Variants in PATL1 observed in about 807,000 individuals in gnomAD.
The protein encoded by PATL1 is protein PAT1 homolog 1.
A neutral mutation model predicts 100.6 loss-of-function variants in PATL1; 32 were observed. The ratio of observed to expected loss-of-function variants is 0.32; its 90% CI spans 0.24 to 0.43. The LOEUF is 0.43. PATL1 is among the 20% of genes least tolerant of loss of function. The pLI is 1.00. For missense variants in PATL1, 747 were observed against 949.9 expected (o/e 0.79, Z 2.81); for synonymous variants, 332 against 330.0 (o/e 1.01, Z -0.07).
chr11:59,647,244 A>C (rs920217785), intron 15 of PATL1, among the ~76,000 whole-genome samples: 12 of 150,640 alleles, frequency 8.0e-5, no homozygotes, highest in African/African-American at 2.2e-4. Context: ...AAAAAAAAAA[A>C]CCAAAAGGGG....
In PATL1 at chr11:59,659,352, T is replaced by C; in HGVS notation, c.245A>G (p.His82Arg). 2.6e-6 allele frequency: 4 copies of C among 1,551,452 alleles called. No individual in the cohort carries two copies. The South Asian group carries it at 3.6e-5, about 14-fold the overall frequency. The change falls in exon 3 of 19, where the codon CAT (histidine) becomes CGT (arginine). Residue 82 changes from histidine to arginine, a missense_variant. His to Arg is a conservative substitution (Grantham distance 29, BLOSUM62 0). Transcript: ENST00000300146. The part of the protein sequence containing the change: ...ERDEMDLLGD[H>R]EENLAERLSK... ...GAGCCTTTCTGCCAGATTCTCCTCA[T>C]GGTCACCCAACAAGTCCATTTCATC...
chr11:59,649,687 GGACTACTAGCTAAA>G, intron 13 of PATL1, 77 bp from the exon 14 acceptor site: 1 of 1,404,838 alleles, frequency 7.1e-7, no homozygotes, highest in Non-Finnish European at 9.5e-7. Context: ...TCACAGTTTA[GGACTACTAGCTAAA>G]GACAAACTCA....
chr11:59,638,982 C>T (rs1308205702), intron 18 of PATL1, 66 bp downstream of exon 18: 2 of 1,545,758 alleles, frequency 1.3e-6, no homozygotes, highest in African/African-American at 1.4e-5. Context: ...CGTACCCAGC[C>T]TCCCAACCAT....
rs758747043 is a variant in PATL1 at position 59,649,628 on chromosome 11, A to G, written c.1585-18T>C. The G allele has an allele frequency of 1.9e-6, 3 of 1,607,950 alleles. No homozygotes were observed. The highest frequency in any genetic ancestry group is 2.5e-6 in the Non-Finnish European group (3 of 1,176,852). ...CTGTAGGTCTAAGAAGGGAGACAAA[A>G]GCAGGCCACAGCATGCTAGGTCAGA... On this transcript the variant is annotated intron_variant, in intron 13 of 18. Coordinates refer to ENST00000300146, the MANE Select transcript of PATL1 (RefSeq NM_152716.3).
rs1430367844 is a variant in PATL1, at chr11:59,651,544, A to G, written c.1524T>C (p.Asp508=). The G allele has an allele frequency of 1.2e-6, 2 of 1,604,472 alleles. No individual in the cohort carries two copies. The highest frequency in any genetic ancestry group is 2.2e-5 in the South Asian group (2 of 90,554). ...DAVVTSRSED[D]ETKEKQVRDK... The stretch of plus-strand genomic sequence containing the variant: ...AACAGACAATTGTGTTGACACTTAC[A>G]TCATCCTCACTCCGAGATGTCACAA... Residue 508 remains aspartate, a splice_region_variant and synonymous_variant, in exon 12 of 19, where the codon GAT becomes GAC. Coordinates refer to ENST00000300146, the MANE Select transcript of PATL1 (RefSeq NM_152716.3).
intron 2 of PATL1, among the ~76,000 whole-genome samples, chr11:59,664,075 T>C (rs1357958929): frequency 2.0e-5 from 3 of 152,208 alleles, no homozygotes; most frequent in East Asian, 3.8e-4. Flanking sequence ...TATATTATTA[T>C]AAACTTTCTT....
At chr11:59,647,682 A>G (rs1394957417) in intron 15 of PATL1, 72 bp downstream of exon 15, 3 of 1,487,370 alleles carry the variant, frequency 2.0e-6, no homozygotes, top group African/African-American at 1.4e-5. Flanking sequence ...GGAGAGGAAA[A>G]TAAGTTTGCA....
In PATL1 at chr11:59,637,912, G is replaced by A. The variant is rs1463720789; in HGVS notation, c.*478C>T. ...CTGAAGACCACATAAATACATGTAT[G>A]GGGTGTGTGTGTGTGTATCTATGTG... On this transcript the variant is annotated 3_prime_UTR_variant, in exon 19 of 19. Coordinates refer to ENST00000300146, the MANE Select transcript of PATL1 (RefSeq NM_152716.3). 6.2e-6 allele frequency: 1 copy of A among 160,078 alleles called. No individual in the cohort carries two copies. Among genetic ancestry groups the A allele is most frequent in the Non-Finnish European group, 1.4e-5 (1 of 72,410 alleles). 9.9% of individuals were successfully genotyped at this position (160,078 alleles called of 1,614,324 possible).
chr11:59,649,648 G>C (rs781128326), intron 13 of PATL1, 38 bp from the exon 14 acceptor site: 4 of 1,594,702 alleles, frequency 2.5e-6, no homozygotes, highest in Non-Finnish European at 3.4e-6. Context: ...AGCATGCTAG[G>C]TCAGAACCAC....
chr11:59,638,205 T>A lies in PATL1; in HGVS notation c.*185A>T. 1.6e-6 allele frequency: 1 copy of A among 624,428 alleles called. No individual in the cohort carries two copies. The highest frequency in any genetic ancestry group is 2.9e-5 in the Admixed American group (1 of 34,486). 38.7% of individuals were successfully genotyped at this position (624,428 alleles called of 1,614,324 possible). Reference sequence around the variant, plus strand: ...CCAGCAGAAGTATCACCCAGCCAAATTTCATAGAGCAGTGGGGAAATATCT... The same window carrying A: ...CCAGCAGAAGTATCACCCAGCCAAAATTCATAGAGCAGTGGGGAAATATCT... On this transcript the variant is annotated 3_prime_UTR_variant, in exon 19 of 19. Transcript: ENST00000300146.
In PATL1 at chr11:59,656,501, G is replaced by C. The variant is rs766445674; in HGVS notation, c.721C>G (p.Pro241Ala). ...RMSPNQLCSVPNSSLLGHPFP... is the reference protein window; with the variant it reads ...RMSPNQLCSVANSSLLGHPFP... Reference sequence around the variant, plus strand: ...TTGTTAGGCTTAAAGTGACATACCGGGACACTGCAGAGCTGGTTTGGAGAC... The same window carrying C: ...TTGTTAGGCTTAAAGTGACATACCGCGACACTGCAGAGCTGGTTTGGAGAC... The change falls in exon 6 of 19, where the codon CCG becomes GCG. Residue 241 changes from proline (P) to alanine (A), a missense_variant and splice_region_variant. Pro to Ala is a conservative substitution (Grantham distance 27). Around this residue, in one of 4 missense-constraint regions of PATL1, gnomAD observed 127 missense variants for 116.0 expected, o/e 1.09. Transcript: ENST00000300146. 1.9e-6 allele frequency: 3 copies of C among 1,612,630 alleles called. No individual in the cohort carries two copies. Among genetic ancestry groups the C allele is most frequent in the Middle Eastern group, 1.7e-4 (1 of 6,054 alleles).
At chr11:59,643,263 A>C (rs1345228468) in intron 15 of PATL1, among the ~76,000 whole-genome samples, 1 of 152,102 alleles carries the variant, frequency 6.6e-6, no homozygotes, top group Non-Finnish European at 1.5e-5. Context: ...AGGTGTAAAA[A>C]AAAATCACTC....
At chr11:59,666,131 G>A (rs575592793) in intron 2 of PATL1, among the ~76,000 whole-genome samples, 5 of 152,004 alleles carry the variant, frequency 3.3e-5, no homozygotes, top group South Asian at 2.1e-4. Context: ...CTGTAATCCC[G>A]GCTACTCGGG....
chr11:59,649,754 CA>C (rs1861415435), intron 13 of PATL1, 144 bp from the exon 14 acceptor site: 2 of 862,926 alleles, frequency 2.3e-6, no homozygotes, highest in Non-Finnish European at 3.4e-6. Flanking sequence ...TGTAGAAAAC[CA>C]TATGAAATAA....
chr11:59,655,886 G>T, intron 7 of PATL1, 70 bp downstream of exon 7: 1 of 1,367,400 alleles, frequency 7.3e-7, no homozygotes, highest in South Asian at 1.3e-5. Context: ...AGCAAAAAAA[G>T]GGGCTATTAT....
intron 9 of PATL1, 58 bp downstream of exon 9, chr11:59,653,925 C>T: frequency 6.9e-7 from 1 of 1,453,330 alleles, no homozygotes; most frequent in Non-Finnish European, 9.6e-7. Flanking sequence ...CATGTTGTTA[C>T]ACTGTTAAAA....
chr11:59,662,070 T>C (rs1045248799), intron 2 of PATL1, among the ~76,000 whole-genome samples: 1 of 152,224 alleles, frequency 6.6e-6, no homozygotes, highest in Non-Finnish European at 1.5e-5. Context: ...ATATATGTAA[T>C]TTTTAATCAT....
intron 1 of PATL1, among the ~76,000 whole-genome samples, chr11:59,667,426 C>T (rs986095121): frequency 2.0e-5 from 3 of 152,026 alleles, no homozygotes; most frequent in African/African-American, 7.2e-5. Flanking sequence ...AAAGCTTTGT[C>T]TTCATTTTCC....
In PATL1 at chr11:59,652,476, C is replaced by T. The variant is rs759975815; in HGVS notation, c.1414G>A (p.Ala472Thr). 32 of 1,613,074 alleles carry T rather than the reference C, an allele frequency of 2.0e-5. No individual in the cohort carries two copies. The highest frequency in any genetic ancestry group is 5.5e-5 in the South Asian group (5 of 90,890). The change falls in exon 11 of 19, where the codon GCC becomes ACC. Residue 472 changes from alanine to threonine, a missense_variant. Ala to Thr is a moderately conservative substitution (Grantham distance 58). Around this residue, in one of 4 missense-constraint regions of PATL1, gnomAD observed 434 missense variants for 596.1 expected, o/e 0.73. Coordinates refer to ENST00000300146, the MANE Select transcript of PATL1 (RefSeq NM_152716.3). ...ITPQVAKLEHAYKPVQFEGSL... is the reference protein window; with the variant it reads ...ITPQVAKLEHTYKPVQFEGSL... ...ATGAGGACCTTACCTGGCTTATAGGCGTGCTCCAGTTTGGCCACCTGAGGG... is the reference window on the plus strand; with the variant it reads ...ATGAGGACCTTACCTGGCTTATAGGTGTGCTCCAGTTTGGCCACCTGAGGG...
Sources: allele counts gnomAD v4.1 joint callset (sites outside exome capture counted in the v4.1 genomes callset), GRCh38; gene constraint gnomAD v4.1.1; regional missense constraint gnomAD v4.1.1; transcripts MANE v1.5; gene names NCBI Gene and HGNC (gene_info 2026-07-23, HGNC 2026-07-21).